Variants in RAB38 observed in about 807,000 individuals in gnomAD.
RAB38 encodes ras-related protein Rab-38.
Under a neutral mutation model 18.4 loss-of-function variants are expected in RAB38, and 15 were observed. The observed-to-expected ratio is 0.82, with a 90% CI of 0.55 to 1.26. The LOEUF is 1.26. RAB38 is among the 50% of genes most tolerant of loss of function. The probability of loss-of-function intolerance (pLI) is 0.00; values close to 1 mark genes in which losing one functional copy is unlikely to be tolerated. For missense variants in RAB38, 294 were observed against 267.4 expected (o/e 1.10, Z -0.69); for synonymous variants, 101 against 104.4 (o/e 0.97, Z 0.20).
At chr11:88,028,629 C>G in the RAB38 span, among the ~76,000 whole-genome samples, 2,763 of 151,894 alleles carry the variant, frequency 0.018, 80 homozygotes, top group African/African-American at 0.064. Context: ...AAGGGTATCA[C>G]CGATGGAAGA....
chr11:87,975,999 T>C, the RAB38 span, among the ~76,000 whole-genome samples: 1 of 151,250 alleles, frequency 6.6e-6, no homozygotes, highest in Non-Finnish European at 1.5e-5. Context: ...AAAATACACA[T>C]ACTAAAGTCA....
At chr11:87,883,681 TAAC>T in the RAB38 span, among the ~76,000 whole-genome samples, 2 of 151,864 alleles carry the variant, frequency 1.3e-5, no homozygotes, top group Non-Finnish European at 2.9e-5. Context: ...CTTGTATTCT[TAAC>T]AACAGAGACC....
At chr11:87,816,603 T>C in the RAB38 span, 2 of 152,070 alleles carry the variant, frequency 1.3e-5, no homozygotes, top group Non-Finnish European at 2.9e-5. Context: ...TATATGCTAC[T>C]AATGCGAGGT....
chr11:88,175,443 C>A lies in RAB38; in HGVS notation c.-59G>T, dbSNP rs774535368. The stretch of plus-strand genomic sequence containing the variant: ...AGGGAAGCGCAGCCTGGGCTCTGCG[C>A]ACGAGAGAGACTTGGGGAGCGCAAG... On this transcript the variant is annotated 5_prime_UTR_variant, in exon 1 of 3. Coordinates refer to ENST00000243662, the MANE Select transcript of RAB38 (RefSeq NM_022337.3). 3 of 1,582,772 alleles carry A rather than the reference C, an allele frequency of 1.9e-6. No individual in the cohort carries two copies. The highest frequency in any genetic ancestry group is 3.4e-5 in the Admixed American group (2 of 59,644).
chr11:88,022,609 C>CAAAAAA, the RAB38 span, among the ~76,000 whole-genome samples: 1 of 4,898 alleles, frequency 2.0e-4, no homozygotes, highest in Admixed American at 2.6e-3. Context: ...CTAAAGACCC[C>CAAAAAA]ACAAAAAAAA....
At chr11:87,875,999 T>C in the RAB38 span, among the ~76,000 whole-genome samples, 1 of 151,626 alleles carries the variant, frequency 6.6e-6, no homozygotes, top group East Asian at 2.0e-4. Context: ...CACTGTTGAA[T>C]AGTGATATCA....
the RAB38 span, among the ~76,000 whole-genome samples, chr11:87,903,776 TTGAA>T: frequency 5.3e-5 from 8 of 151,698 alleles, no homozygotes; most frequent in South Asian, 1.2e-3. Flanking sequence ...TCCATTTGGG[TTGAA>T]TGAAAGAGCT....
the RAB38 span, among the ~76,000 whole-genome samples, chr11:88,092,358 GAGAGAGAGAGAGAGAGAGAGAGAGAGAGA>G: frequency 1.6e-4 from 2 of 12,462 alleles, no homozygotes; most frequent in Non-Finnish European, 5.7e-4. Context: ...GAGGGAGAGA[GAGAGAGAGAGAGAGAGAGAGAGAGAGAGA>G]GAGAGAGAGA....
chr11:87,828,754 C>CT, the RAB38 span, among the ~76,000 whole-genome samples: 2 of 137,670 alleles, frequency 1.5e-5, no homozygotes, highest in South Asian at 2.4e-4. Flanking sequence ...TCTGTAATTA[C>CT]TTTTTTTCAA....
At chr11:87,861,740 A>G in the RAB38 span, among the ~76,000 whole-genome samples, 1 of 151,916 alleles carries the variant, frequency 6.6e-6, no homozygotes, top group Non-Finnish European at 1.5e-5. Context: ...GACATTTTGC[A>G]AAAATTTCAA....
the RAB38 span, among the ~76,000 whole-genome samples, chr11:87,858,811 G>A: frequency 1.3e-5 from 2 of 151,634 alleles, no homozygotes; most frequent in Admixed American, 6.6e-5. Flanking sequence ...TTGCAGTGAC[G>A]GATTTGCAGG....
the RAB38 span, among the ~76,000 whole-genome samples, chr11:87,908,206 C>T: frequency 6.6e-6 from 1 of 151,990 alleles, no homozygotes; most frequent in Non-Finnish European, 1.5e-5. Flanking sequence ...ATTGGATTTA[C>T]AGATTAGCAA....
At chr11:88,109,005 C>T (rs561190909), downstream of RAB38, among the ~76,000 whole-genome samples, 36 of 152,208 alleles carry the variant, frequency 2.4e-4, no homozygotes, top group South Asian at 1.5e-3. Context: ...CAGGGAGATG[C>T]GCTGTTAGTC....
At chr11:87,920,246 ATCTT>A in the RAB38 span, among the ~76,000 whole-genome samples, 4 of 150,016 alleles carry the variant, frequency 2.7e-5, no homozygotes, top group Admixed American at 1.3e-4. Context: ...CTTATTTGGG[ATCTT>A]TCTTCTTTTT....
the RAB38 span, among the ~76,000 whole-genome samples, chr11:87,945,443 G>C: frequency 6.6e-6 from 1 of 152,132 alleles, no homozygotes; most frequent in Non-Finnish European, 1.5e-5. Context: ...TAACAAATTG[G>C]AGCTTCCAAA....
chr11:88,099,304 A>C, the RAB38 span, among the ~76,000 whole-genome samples: 1 of 151,836 alleles, frequency 6.6e-6, no homozygotes, highest in African/African-American at 2.4e-5. Flanking sequence ...ATCATTAAAT[A>C]TTTAATGACT....
At chr11:88,116,939 T>G (rs888215567) in intron 2 of RAB38, among the ~76,000 whole-genome samples, 1 of 152,148 alleles carries the variant, frequency 6.6e-6, no homozygotes, top group African/African-American at 2.4e-5. Context: ...TCCATTATCA[T>G]TATGAGAAAA....
rs34326733 is a variant in RAB38, at chr11:88,150,016, A to C, written c.203-61T>G. ...AAAATTGCAAACTGAATCATATTAT[A>C]ACTTCATGAAGCCTCCAAGATGAGC... On this transcript the variant is annotated intron_variant, in intron 1 of 2. Coordinates refer to ENST00000243662, the MANE Select transcript of RAB38 (RefSeq NM_022337.3). 2,280 of 1,515,868 alleles carry C rather than the reference A, an allele frequency of 1.5e-3. 1 individual carries two copies. The highest frequency in any genetic ancestry group is 1.8e-3 in the Non-Finnish European group (1,975 of 1,123,140). The allele number at this position is 1,515,868 out of a possible 1,614,324, so 93.9% of individuals were successfully genotyped here. A position where few individuals can be genotyped will look rare whatever the true frequency, so the allele number is the denominator to read the frequency against.
chr11:88,026,336 G>A, the RAB38 span, among the ~76,000 whole-genome samples: 38 of 151,866 alleles, frequency 2.5e-4, no homozygotes, highest in African/African-American at 8.5e-4. Flanking sequence ...GGCCGAAGCT[G>A]GCGGATCACG....
Sources: gnomAD v4.1 joint callset for allele counts (sites outside exome capture counted in the v4.1 genomes callset) on GRCh38, gnomAD v4.1.1 for gene constraint, MANE v1.5 for transcripts, NCBI Gene and HGNC (gene_info 2026-07-23, HGNC 2026-07-21) for gene names.